BLTP1: variants seen among roughly 807,000 people sequenced by gnomAD.
BLTP1 encodes the protein bridge-like lipid transfer protein family member 1.
the BLTP1 span, chr4:122,254,759 C>T: frequency 6.9e-7 from 1 of 1,445,954 alleles, no homozygotes; most frequent in Non-Finnish European, 9.1e-7. Context: ...GTTTGGAATA[C>T]AAATTTTGAC....
chr4:122,241,519 C>T, the BLTP1 span, among the ~76,000 whole-genome samples: 2 of 152,178 alleles, frequency 1.3e-5, no homozygotes, highest in Non-Finnish European at 2.9e-5. Context: ...AGGAGACTGT[C>T]TCAGTAGTCT....
chr4:122,211,342 T>C, the BLTP1 span, among the ~76,000 whole-genome samples: 34 of 150,416 alleles, frequency 2.3e-4, no homozygotes, highest in Non-Finnish European at 4.6e-4. Context: ...TTGCTATAGA[T>C]AGAGATGATG....
the BLTP1 span, chr4:122,192,159 A>C: frequency 1.3e-6 from 2 of 1,524,612 alleles, no homozygotes; most frequent in African/African-American, 2.8e-5. Flanking sequence ...TGTTGGAGCT[A>C]CTGATCTAAG....
At chr4:122,272,761 A>G in the BLTP1 span, among the ~76,000 whole-genome samples, 1 of 152,108 alleles carries the variant, frequency 6.6e-6, no homozygotes, top group Admixed American at 6.6e-5. Flanking sequence ...ACTACCATAG[A>G]AATCTTATAA....
At chr4:122,274,290 A>G in the BLTP1 span, 4 of 965,100 alleles carry the variant, frequency 4.1e-6, no homozygotes, top group Non-Finnish European at 6.5e-6. Flanking sequence ...TTAATATGAA[A>G]TGCAAGTATC....
the BLTP1 span, chr4:122,276,996 G>A: frequency 1.0e-6 from 1 of 983,346 alleles, no homozygotes; most frequent in Non-Finnish European, 1.2e-6. Context: ...AAACTGGCCT[G>A]TAATTAATAT....
the BLTP1 span, among the ~76,000 whole-genome samples, chr4:122,160,306 C>T: frequency 2.6e-5 from 4 of 152,216 alleles, no homozygotes; most frequent in Admixed American, 6.5e-5. Flanking sequence ...GATATCTTTC[C>T]ATTCTTAAGA....
the BLTP1 span, among the ~76,000 whole-genome samples, chr4:122,215,755 A>G: frequency 2.0e-5 from 3 of 152,092 alleles, no homozygotes; most frequent in Non-Finnish European, 4.4e-5. Context: ...TAAGTTCTTT[A>G]GTGGTGATTT....
chr4:122,235,549 T>G, the BLTP1 span: 1 of 847,116 alleles, frequency 1.2e-6, no homozygotes, highest in Non-Finnish European at 1.4e-6. Context: ...CTCACACCTG[T>G]AATCCCAGCA....
At chr4:122,220,168 C>T in the BLTP1 span, 8 of 301,866 alleles carry the variant, frequency 2.7e-5, no homozygotes, top group East Asian at 6.9e-4. Flanking sequence ...GTGCAGCTAA[C>T]GATCCTACTG....
chr4:122,294,226 C>T, the BLTP1 span, among the ~76,000 whole-genome samples: 44,615 of 152,156 alleles, frequency 0.29, 7,563 homozygotes, highest in East Asian at 0.44. Context: ...GCGTTTCCCC[C>T]AGGACAGCAC....
At chr4:122,326,528 G>C in the BLTP1 span, among the ~76,000 whole-genome samples, 2 of 151,500 alleles carry the variant, frequency 1.3e-5, no homozygotes, top group Non-Finnish European at 3.0e-5. Flanking sequence ...ATTTTTTAAA[G>C]AACTATTTAA....
chr4:122,228,056 G>A, the BLTP1 span, among the ~76,000 whole-genome samples: 3 of 151,764 alleles, frequency 2.0e-5, no homozygotes, highest in African/African-American at 7.3e-5. Flanking sequence ...TGGGACTACA[G>A]GCGCCCACCA....
the BLTP1 span, among the ~76,000 whole-genome samples, chr4:122,317,580 C>T: frequency 1.3e-5 from 2 of 151,358 alleles, no homozygotes; most frequent in African/African-American, 4.9e-5. Flanking sequence ...TTTTATTTTC[C>T]CAAAAGGTAA....
At chr4:122,306,056 G>A in the BLTP1 span, 1 of 1,597,750 alleles carries the variant, frequency 6.3e-7, no homozygotes, top group Non-Finnish European at 8.5e-7. Context: ...GTAAGATAAA[G>A]TCAATCACTA....
the BLTP1 span, chr4:122,324,462 C>G: frequency 6.2e-7 from 1 of 1,610,550 alleles, no homozygotes; most frequent in African/African-American, 1.3e-5. Flanking sequence ...GTTTGAGTTA[C>G]AAACCAAGTT....
chr4:122,287,641 T>C, the BLTP1 span: 4 of 983,394 alleles, frequency 4.1e-6, no homozygotes, highest in South Asian at 1.9e-4. Context: ...CTGAAGCATC[T>C]ATAAGAATGC....
chr4:122,196,709 G>A, the BLTP1 span: 2 of 1,611,920 alleles, frequency 1.2e-6, no homozygotes, highest in Admixed American at 1.7e-5. Context: ...CAGCCTGGGA[G>A]ACCAAGACAG....
chr4:122,190,203 C>T, the BLTP1 span: 2 of 1,232,816 alleles, frequency 1.6e-6, no homozygotes, highest in Non-Finnish European at 2.2e-6. Flanking sequence ...CTCAAACAAT[C>T]CTCCTACTTC....
Sources: allele counts gnomAD v4.1 joint callset (sites outside exome capture counted in the v4.1 genomes callset), GRCh38; gene constraint gnomAD v4.1.1; transcripts MANE v1.5; gene names NCBI Gene and HGNC (gene_info 2026-07-23, HGNC 2026-07-21).